RASSF5: variants seen among roughly 807,000 people sequenced by gnomAD.
The protein encoded by RASSF5 is ras association domain-containing protein 5.
RASSF5 carries 25 observed loss-of-function variants against 40.5 expected under a neutral mutation model. The observed-to-expected ratio is 0.62, with a 90% CI of 0.45 to 0.86. RASSF5 has a LOEUF of 0.86. RASSF5 is among the 40% of genes least tolerant of loss of function. The pLI is 0.00. For missense variants in RASSF5, 521 were observed against 572.8 expected, an observed-to-expected ratio of 0.91 and a Z score of 0.92; for synonymous variants, 246 against 252.4, an observed-to-expected ratio of 0.97 and a Z score of 0.24.
At chr1:206,526,268 C>CTGTGTGTGTGTGTGTGTG (rs1553397177) in intron 1 of RASSF5, among the ~76,000 whole-genome samples, 1 of 23,620 alleles carries the variant, frequency 4.2e-5, no homozygotes, top group Non-Finnish European at 7.3e-5. Context: ...TGCTTTCTGG[C>CTGTGTGTGTGTGTGTGTG]AGTGTGTGTG....
rs369859659 is a variant in RASSF5 at position 206,547,436 on chromosome 1, C to T, written c.579+9143C>T. ...GGAGCCTGAACCCTATTGTGAACTG[C>T]GCATGCGAGGGATCTAGGTTGCGTG... On this transcript the variant is annotated intron_variant, in intron 2 of 5. Transcript: ENST00000579436. Among the ~76,000 whole-genome samples, 16 of 151,972 alleles carry T rather than the reference C, an allele frequency of 1.1e-4. No individual in the cohort carries two copies. The East Asian group carries it at 3.1e-3, about 29-fold the overall frequency.
chr1:206,507,651 T>C lies in RASSF5; in HGVS notation c.49T>C (p.Leu17=), dbSNP rs575075703. ...CGGGCAGCGCCCGTACCCGCTACTA[T>C]TGGACCCCGAGCCGCCGCGCTATCT... ...AIGQRPYPLL[L]DPEPPRYLQS... is the part of the protein sequence containing the mutation. The change falls in exon 1 of 6, where the codon TTG becomes CTG. Residue 17 remains leucine (L), a synonymous_variant. Coordinates refer to ENST00000579436, the MANE Select transcript of RASSF5 (RefSeq NM_182663.4). 503 of 1,530,524 alleles carry C rather than the reference T, an allele frequency of 3.3e-4. 3 individuals are homozygous for C. In the East Asian group the frequency reaches 0.014, roughly 41 times the overall value. 94.8% of individuals were successfully genotyped at this position (1,530,524 alleles called of 1,614,324 possible).
chr1:206,520,928 T>A (rs1553396008), intron 1 of RASSF5, among the ~76,000 whole-genome samples: 4 of 152,060 alleles, frequency 2.6e-5, no homozygotes, highest in Non-Finnish European at 5.9e-5. Context: ...TGTCTGCCCC[T>A]CCATTGTACC....
intron 1 of RASSF5, among the ~76,000 whole-genome samples, chr1:206,523,700 TATTTATATATTATAC>T (rs1666989272): frequency 1.3e-5 from 1 of 79,174 alleles, no homozygotes; most frequent in African/African-American, 5.4e-5. Context: ...ATATATAATA[TATTTATATATTATAC>T]AATATATTTA....
chr1:206,587,208 A>C lies in RASSF5; in HGVS notation c.*230A>C. On this transcript the variant is annotated 3_prime_UTR_variant, in exon 6 of 6. Transcript: ENST00000579436. ...CAGATTCTGCCAAGGATCAGAACTC[A>C]TGTGAAACAAACAGCTGACGTCCTC... 2.0e-6 allele frequency: 1 copy of C among 508,970 alleles called. No homozygotes were observed. Among genetic ancestry groups the C allele is most frequent in the Non-Finnish European group, 3.6e-6 (1 of 280,962 alleles). 31.5% of individuals were successfully genotyped at this position (508,970 alleles called of 1,614,324 possible).
chr1:206,565,637 G>C (rs1407639561), intron 2 of RASSF5, among the ~76,000 whole-genome samples: 1 of 152,230 alleles, frequency 6.6e-6, no homozygotes, highest in East Asian at 1.9e-4. Flanking sequence ...TTGGATGGAG[G>C]CCCTTCCATA....
At chr1:206,526,889 A>G (rs1167175115) in intron 1 of RASSF5, among the ~76,000 whole-genome samples, 1 of 152,168 alleles carries the variant, frequency 6.6e-6, no homozygotes, top group African/African-American at 2.4e-5. Flanking sequence ...GACAGCTGCC[A>G]TTTATTGAGC....
At chr1:206,547,237 G>T (rs1243560085) in intron 2 of RASSF5, among the ~76,000 whole-genome samples, 2 of 152,156 alleles carry the variant, frequency 1.3e-5, no homozygotes, top group African/African-American at 4.8e-5. Context: ...CAAGCCAGGG[G>T]TCCCAGCCCC....
chr1:206,540,899 A>C (rs1330772353), intron 2 of RASSF5, among the ~76,000 whole-genome samples: 3 of 150,892 alleles, frequency 2.0e-5, no homozygotes, highest in Non-Finnish European at 3.0e-5. Flanking sequence ...TCTGATATAT[A>C]TTTTTTTTTC....
intron 2 of RASSF5, among the ~76,000 whole-genome samples, chr1:206,539,232 A>G (rs1253297012): frequency 6.6e-6 from 1 of 152,226 alleles, no homozygotes; most frequent in East Asian, 1.9e-4. Flanking sequence ...GGATTTAATG[A>G]TGAAAATTAC....
At position 206,535,772 on chromosome 1, in the gene RASSF5, G is replaced by C. The variant is rs1164239904; in HGVS notation, c.458-2400G>C. 6.6e-6 allele frequency among the ~76,000 whole-genome samples: 1 copy of C among 151,574 alleles called. No homozygotes were observed. Among genetic ancestry groups the C allele is most frequent in the Non-Finnish European group, 1.5e-5 (1 of 67,908 alleles). Reference sequence around the variant, plus strand: ...AGAGAGAGAGAGAGATGGAAATTGAGAGATTCAGATGCACAGGTGGACATA... The same window carrying C: ...AGAGAGAGAGAGAGATGGAAATTGACAGATTCAGATGCACAGGTGGACATA... On this transcript the variant is annotated intron_variant, in intron 1 of 5. Transcript: ENST00000579436. The surrounding 1 kb of genome is among the most constrained non-coding windows in gnomAD (Gnocchi z 5.0).
At chr1:206,557,552 T>A in intron 2 of RASSF5, 3 of 1,612,898 alleles carry the variant, frequency 1.9e-6, no homozygotes, top group Non-Finnish European at 2.5e-6. Context: ...GCTGGCGGCC[T>A]CGGCCGGGAA....
intron 1 of RASSF5, among the ~76,000 whole-genome samples, chr1:206,526,991 C>T (rs1374645068): frequency 6.6e-6 from 1 of 152,122 alleles, no homozygotes; most frequent in Non-Finnish European, 1.5e-5. Flanking sequence ...ACTACCACCG[C>T]CATTTGCAGT....
intron 1 of RASSF5, among the ~76,000 whole-genome samples, chr1:206,526,669 C>A (rs934521849): frequency 2.0e-5 from 3 of 152,172 alleles, no homozygotes; most frequent in South Asian, 2.1e-4. Context: ...TTCCAGCCCC[C>A]CTGCCTTACT....
At chr1:206,532,065 A>G (rs1667251148) in intron 1 of RASSF5, among the ~76,000 whole-genome samples, 2 of 151,814 alleles carry the variant, frequency 1.3e-5, no homozygotes, top group East Asian at 1.9e-4. Context: ...AAAGAAAAAA[A>G]AAATCTTTGG....
Position 206,584,587 on chromosome 1 carries a change from C to T in RASSF5, c.891C>T (p.Thr297=), listed in dbSNP as rs781836953. The T allele has an allele frequency of 1.4e-5, 22 of 1,614,102 alleles. No individual in the cohort carries two copies. The Admixed American group carries it at 3.2e-4, about 23-fold the overall frequency. Residue 297 remains threonine, a synonymous_variant, in exon 4 of 6, where the codon ACC becomes ACT. Transcript: ENST00000579436. The surrounding 1 kb of genome is among the most constrained non-coding windows in gnomAD (Gnocchi z 4.9). The part of the protein sequence containing the change: ...IKQLHISSTT[T]VSEVIQGLLK... Reference sequence around the variant, plus strand: ...AGCTGCACATCAGCAGCACCACCACCGTCAGTGAGGTCATCCAGGGGCTGC... The same window carrying T: ...AGCTGCACATCAGCAGCACCACCACTGTCAGTGAGGTCATCCAGGGGCTGC...
intron 2 of RASSF5, among the ~76,000 whole-genome samples, chr1:206,561,117 T>C (rs1270184971): frequency 6.6e-6 from 1 of 152,150 alleles, no homozygotes; most frequent in Non-Finnish European, 1.5e-5. Flanking sequence ...GCCCAGAGCA[T>C]TGGGGTGAGT....
intron 2 of RASSF5, chr1:206,541,975 G>A (rs929748170): frequency 1.3e-5 from 2 of 152,236 alleles, no homozygotes; most frequent in African/African-American, 2.4e-5. Flanking sequence ...CACCCACTGC[G>A]GCCCAGGGCA....
At position 206,584,309 on chromosome 1, in the gene RASSF5, G is replaced by A. The variant is rs1669014806; in HGVS notation, c.691-78G>A. The A allele has an allele frequency of 7.1e-7, 1 of 1,415,182 alleles. No individual in the cohort carries two copies. Among genetic ancestry groups the A allele is most frequent in the African/African-American group, 1.4e-5 (1 of 69,994 alleles). 87.7% of individuals were successfully genotyped at this position (1,415,182 alleles called of 1,614,324 possible). On this transcript the variant is annotated intron_variant, in intron 3 of 5. Transcript: ENST00000579436. This position sits in a 1 kb window ranked among gnomAD's most constrained non-coding sequence, Gnocchi z 4.9. Reference sequence around the variant, plus strand: ...TCAAGGAGACAGGTGGGTGCTGCTGGGGCAATGGCCCCGAGTGGCAGATAT... The same window carrying A: ...TCAAGGAGACAGGTGGGTGCTGCTGAGGCAATGGCCCCGAGTGGCAGATAT...
Sources: gnomAD v4.1 joint callset for allele counts (sites outside exome capture counted in the v4.1 genomes callset) on GRCh38, gnomAD v4.1.1 for gene constraint, Gnocchi (gnomAD v3.1) non-coding constraint, MANE v1.5 for transcripts, NCBI Gene and HGNC (gene_info 2026-07-23, HGNC 2026-07-21) for gene names.